The following SYNRG variants were observed in gnomAD, a reference collection of about 807,000 sequenced individuals.
SYNRG encodes synergin gamma.
In SYNRG, 37 loss-of-function variants were observed where a neutral mutation model predicts 130.9. The ratio of observed to expected loss-of-function variants is 0.28; its 90% CI spans 0.22 to 0.37. The LOEUF is 0.37. Among genes scored for constraint, SYNRG ranks in the 10% least tolerant of loss-of-function variants. The pLI is 1.00. For synonymous variants in SYNRG, 539 were observed against 568.1 expected (o/e 0.95, Z 0.73); for missense variants, 1,338 against 1,588.9 (o/e 0.84, Z 2.68).
chr17:37,515,892 A>C lies in SYNRG; in HGVS notation c.*3048T>G, dbSNP rs1010724271. 1 of 151,742 alleles carries C rather than the reference A, an allele frequency of 6.6e-6. No homozygotes were observed. The highest frequency in any genetic ancestry group is 1.5e-5 in the Non-Finnish European group (1 of 67,982). 9.4% of individuals were successfully genotyped at this position (151,742 alleles called of 1,614,324 possible). On this transcript the variant is annotated 3_prime_UTR_variant, in exon 22 of 22. Coordinates refer to ENST00000612223, the MANE Select transcript of SYNRG (RefSeq NM_007247.6). ...CAGAAGACACCTTTAAACAAATAAG[A>C]CCCCCCCAAAACCCTTCAAATATGT... is the stretch of plus-strand genomic sequence containing the variant.
rs181660164 is a variant in SYNRG at position 37,524,352 on chromosome 17, A to G, written c.3667-3704T>C. On this transcript the variant is annotated intron_variant, in intron 19 of 21. Transcript: ENST00000612223. ...CCTTATAAAAATGTGTAGATTATGT[A>G]TGATGTTCCCTGTTCCTTTCTAATT... Among the ~76,000 whole-genome samples, 206 of 152,178 alleles carry G rather than the reference A, an allele frequency of 1.4e-3. 1 individual carries two copies. Among genetic ancestry groups the G allele is most frequent in the Middle Eastern group, 6.8e-3 (2 of 294 alleles).
chr17:37,571,348 G>A (rs538726916), intron 9 of SYNRG, among the ~76,000 whole-genome samples: 24 of 152,266 alleles, frequency 1.6e-4, no homozygotes, highest in Admixed American at 5.9e-4. Flanking sequence ...TTGGGAGGCC[G>A]AGACAGGTGG....
intron 19 of SYNRG, among the ~76,000 whole-genome samples, chr17:37,527,986 C>T (rs867840582): frequency 2.0e-5 from 3 of 152,078 alleles, no homozygotes; most frequent in East Asian, 1.9e-4. Flanking sequence ...AGCTGTCTTC[C>T]GATAGGAACA....
At chr17:37,520,501 A>C (rs1041518378) in intron 20 of SYNRG, 37 bp downstream of exon 20, 1 of 1,579,650 alleles carries the variant, frequency 6.3e-7, no homozygotes, top group African/African-American at 1.3e-5. Context: ...ATGTTAGGGA[A>C]GCCCTTTGCT....
rs116959971 is a variant in SYNRG, at chr17:37,597,946, T to G, written c.119-1602A>C. On this transcript the variant is annotated intron_variant, in intron 2 of 21. Coordinates refer to ENST00000612223, the MANE Select transcript of SYNRG (RefSeq NM_007247.6). ...CTAGGAAATTATACCATGTTTATCT[T>G]ATGGTTTTTGTGTACCTCCCAGGTT... Among the ~76,000 whole-genome samples, 920 of 152,374 alleles carry G rather than the reference T, an allele frequency of 6.0e-3. 7 individuals carry two copies. The highest frequency in any genetic ancestry group is 0.01 in the Non-Finnish European group (681 of 68,038).
Position 37,609,341 on chromosome 17 carries a change from T to A in SYNRG, c.15A>T (p.Pro5=). 6.8e-7 allele frequency: 1 copy of A among 1,461,258 alleles called. No homozygotes were observed. The highest frequency in any genetic ancestry group is 9.0e-7 in the Non-Finnish European group (1 of 1,113,382). The allele number at this position is 1,461,258 out of a possible 1,614,324, so 90.5% of individuals were successfully genotyped here. A position where few individuals can be genotyped will look rare whatever the true frequency, so the allele number is the denominator to read the frequency against. Residue 5 remains proline, a synonymous_variant, in exon 1 of 22, where the codon CCA becomes CCT. Coordinates refer to ENST00000612223, the MANE Select transcript of SYNRG (RefSeq NM_007247.6). MALR[P]GAGSGGGGAA... is the part of the protein sequence containing the mutation. ...CCCCGCCGCCACCAGAACCAGCTCC[T>A]GGCCGCAGCGCCATCTTGCTCCCGA...
intron 19 of SYNRG, among the ~76,000 whole-genome samples, chr17:37,531,142 A>G (rs2056591346): frequency 6.6e-6 from 1 of 152,140 alleles, no homozygotes; most frequent in Non-Finnish European, 1.5e-5. Flanking sequence ...TTGAGATGGA[A>G]GGATCACTTG....
At chr17:37,532,118 T>A (rs1866500847) in intron 19 of SYNRG, among the ~76,000 whole-genome samples, 2 of 152,232 alleles carry the variant, frequency 1.3e-5, no homozygotes, top group Admixed American at 6.5e-5. Context: ...TGAATGCATA[T>A]TAAGTCCTTT....
At chr17:37,608,066 T>C (rs749939297) in intron 1 of SYNRG, among the ~76,000 whole-genome samples, 3 of 151,918 alleles carry the variant, frequency 2.0e-5, no homozygotes, top group Non-Finnish European at 4.4e-5. Flanking sequence ...ACACGAAGTA[T>C]TTATTTTTTA....
chr17:37,538,428 A>C lies in SYNRG; in HGVS notation c.3421-8T>G, dbSNP rs1361351118. ...ATTTGCCTTCTTAATGACCTACAAG[A>C]AATGAAATCACATCACCTTACATAA... On this transcript the variant is annotated splice_polypyrimidine_tract_variant and splice_region_variant and intron_variant, in intron 17 of 21. Transcript: ENST00000612223. The C allele has an allele frequency of 6.3e-7, 1 of 1,581,726 alleles. No individual in the cohort carries two copies. Among genetic ancestry groups the C allele is most frequent in the Non-Finnish European group, 8.6e-7 (1 of 1,158,866 alleles).
intron 15 of SYNRG, 130 bp from the exon 16 acceptor site, chr17:37,540,673 C>A (rs1036190937): frequency 3.2e-5 from 33 of 1,033,740 alleles, no homozygotes; most frequent in Admixed American, 6.3e-5. Context: ...CTTGCTCTGT[C>A]GCTCAGACTG....
chr17:37,521,374 G>C (rs2055034992), intron 19 of SYNRG, among the ~76,000 whole-genome samples: 1 of 151,926 alleles, frequency 6.6e-6, no homozygotes, highest in East Asian at 1.9e-4. Context: ...GTAGATGGGA[G>C]CTGCTAGGTG....
intron 13 of SYNRG, among the ~76,000 whole-genome samples, chr17:37,558,091 T>A (rs1242772647): frequency 6.6e-6 from 1 of 152,176 alleles, no homozygotes; most frequent in Non-Finnish European, 1.5e-5. Flanking sequence ...CTCAGGTTTA[T>A]CTCTGTTACT....
chr17:37,588,186 G>A (rs115258264), intron 3 of SYNRG, among the ~76,000 whole-genome samples: 1,818 of 151,084 alleles, frequency 0.012, 32 homozygotes, highest in African/African-American at 0.041. Flanking sequence ...TCAACTAATC[G>A]ACTTCTCTAT....
chr17:37,536,077 C>T lies in SYNRG; in HGVS notation c.3568G>A (p.Ala1190Thr), dbSNP rs776170318. The change falls in exon 19 of 22, where the codon GCC becomes ACC. Residue 1190 changes from alanine to threonine, a missense_variant. Ala to Thr is a moderately conservative substitution (Grantham distance 58, BLOSUM62 0). Transcript: ENST00000612223. ...VTKRVELGIK[A>T]TAVCSEKLQQ... ...AGTTTCTCACTGCACACTGCAGTGG[C>T]TTTTATCCCCAGCTCCACACGCTTG... The T allele has an allele frequency of 3.1e-6, 5 of 1,613,948 alleles. No individual in the cohort carries two copies. In the Admixed American group the frequency reaches 8.3e-5, roughly 27 times the overall value.
chr17:37,585,224 A>G, intron 5 of SYNRG, 101 bp downstream of exon 5: 3 of 884,504 alleles, frequency 3.4e-6, no homozygotes, highest in Non-Finnish European at 5.3e-6. Context: ...TCACAGCCTC[A>G]GCTTGGGCTG....
intron 1 of SYNRG, chr17:37,606,030 T>C (rs867085881): frequency 1.0e-6 from 1 of 983,278 alleles, no homozygotes; most frequent in Non-Finnish European, 1.2e-6. Context: ...AATGGTCCTT[T>C]AGCAAGACGC....
chr17:37,541,048 T>C, intron 15 of SYNRG: 5 of 985,874 alleles, frequency 5.1e-6, no homozygotes, highest in Non-Finnish European at 6.0e-6. Flanking sequence ...CTTGCACGGT[T>C]TCCCTGCGTT....
chr17:37,589,771 T>C (rs2061998767), intron 3 of SYNRG, among the ~76,000 whole-genome samples: 1 of 150,238 alleles, frequency 6.7e-6, no homozygotes. Flanking sequence ...AAAAGGCTAT[T>C]TATAAATGAT....
Sources: allele counts gnomAD v4.1 joint callset (sites outside exome capture counted in the v4.1 genomes callset), GRCh38; gene constraint gnomAD v4.1.1; transcripts MANE v1.5; gene names NCBI Gene and HGNC (gene_info 2026-07-23, HGNC 2026-07-21).